Variants in HCK observed in about 807,000 individuals in gnomAD.
HCK encodes HCK proto-oncogene, Src family tyrosine kinase, also known as tyrosine-protein kinase HCK.
Under a neutral mutation model 70.4 loss-of-function variants are expected in HCK, and 40 were observed. That is an observed-to-expected ratio of 0.57 (90% CI 0.44 to 0.74). The LOEUF (loss-of-function observed/expected upper bound fraction) is 0.74. Ranked by LOEUF, HCK falls within the 30% of genes least tolerant of loss-of-function variation. HCK has a pLI of 0.00. For synonymous variants in HCK, 245 were observed against 263.2 expected (o/e 0.93, Z 0.67); for missense variants, 568 against 697.2 (o/e 0.81, Z 2.09).
chr20:32,055,665 G>A (rs2045259887), intron 1 of HCK, among the ~76,000 whole-genome samples: 1 of 152,112 alleles, frequency 6.6e-6, no homozygotes, highest in South Asian at 2.1e-4. Flanking sequence ...TTTAATCGAG[G>A]TGAAATTCAC....
intron 5 of HCK, among the ~76,000 whole-genome samples, chr20:32,076,840 C>G (rs985717477): frequency 2.6e-5 from 4 of 152,128 alleles, no homozygotes; most frequent in African/African-American, 9.7e-5. Flanking sequence ...AATCCCAGCA[C>G]TTTGGGAAGC....
At chr20:32,095,696 T>A (rs1253292974) in intron 11 of HCK, among the ~76,000 whole-genome samples, 1 of 152,116 alleles carries the variant, frequency 6.6e-6, no homozygotes, top group Admixed American at 6.6e-5. Flanking sequence ...ATCCACAACT[T>A]TGTAAATATT....
At chr20:32,094,797 GAAAGAAAGAAAGAA>G (rs1569010602) in intron 11 of HCK, among the ~76,000 whole-genome samples, 35 of 33,270 alleles carry the variant, frequency 1.1e-3, no homozygotes, top group Admixed American at 3.9e-3. Context: ...GAGAAAGAAA[GAAAGAAAGAAAGAA>G]AGAAAGAAAG....
chr20:32,080,850 G>A (rs555326648), intron 6 of HCK, among the ~76,000 whole-genome samples: 17 of 152,146 alleles, frequency 1.1e-4, no homozygotes, highest in African/African-American at 4.1e-4. Context: ...AAGTAGGGGA[G>A]GCCAACACAG....
In HCK at chr20:32,071,575, G is replaced by T; in HGVS notation, c.63-87G>T. On this transcript the variant is annotated intron_variant, in intron 1 of 12. Coordinates refer to ENST00000375852, the MANE Select transcript of HCK (RefSeq NM_002110.5). ...AAGGCCAGTGGGAGCCAGCCCGGGG[G>T]CAGGGGACCTGGAATGCCAGCATCA... The T allele has an allele frequency of 2.6e-6, 4 of 1,545,308 alleles. No homozygotes were observed. In the South Asian group the frequency reaches 3.6e-5, roughly 14 times the overall value.
chr20:32,053,130 A>T (rs1468418826), intron 1 of HCK, among the ~76,000 whole-genome samples: 1 of 152,178 alleles, frequency 6.6e-6, no homozygotes, highest in Non-Finnish European at 1.5e-5. Context: ...AAACGGGGCT[A>T]TGAAGTCTTT....
At position 32,082,498 on chromosome 20, in the gene HCK, C is replaced by T. The variant is rs1883882; in HGVS notation, c.533-1396C>T. Among the ~76,000 whole-genome samples the T allele has an allele frequency of 1.1e-3, 165 of 151,974 alleles. 3 individuals are homozygous for T. The East Asian group carries it at 0.026, about 24-fold the overall frequency. On this transcript the variant is annotated intron_variant, in intron 6 of 12. Transcript: ENST00000375852. ...CTCTACTAAAAATACAAAAATTAGC[C>T]GGGCGTAGTGGCGGGCGTCTGTAAT...
At position 32,101,664 on chromosome 20, in the gene HCK, T is replaced by C; in HGVS notation, c.*145T>C. 1.7e-6 allele frequency: 1 copy of C among 594,132 alleles called. No individual in the cohort carries two copies. Among genetic ancestry groups the C allele is most frequent in the Non-Finnish European group, 2.9e-6 (1 of 344,328 alleles). 36.8% of individuals were successfully genotyped at this position (594,132 alleles called of 1,614,324 possible). On this transcript the variant is annotated 3_prime_UTR_variant, in exon 13 of 13. Transcript: ENST00000375852. ...ACAGTTTCCTCATCTGTCCAGTGGGTAGGTTGGACTGGAAAATCTCTTTTT... is the reference window on the plus strand; with the variant it reads ...ACAGTTTCCTCATCTGTCCAGTGGGCAGGTTGGACTGGAAAATCTCTTTTT...
intron 5 of HCK, among the ~76,000 whole-genome samples, chr20:32,079,058 C>T (rs2045671012): frequency 6.6e-6 from 1 of 152,094 alleles, no homozygotes; most frequent in Non-Finnish European, 1.5e-5. Flanking sequence ...AGGTCTGGGG[C>T]TTTTTTCCAA....
At chr20:32,079,936 C>A in intron 6 of HCK, 59 bp downstream of exon 6, 2 of 1,245,582 alleles carry the variant, frequency 1.6e-6, no homozygotes, top group Non-Finnish European at 2.3e-6. Flanking sequence ...TGGGGCTGGC[C>A]ACCACCCTTT....
intron 1 of HCK, among the ~76,000 whole-genome samples, chr20:32,061,266 G>A (rs2045370976): frequency 2.0e-5 from 3 of 152,344 alleles, no homozygotes; most frequent in South Asian, 4.1e-4. Flanking sequence ...ACAGGCGTGA[G>A]CCACTGCGCC....
intron 1 of HCK, among the ~76,000 whole-genome samples, chr20:32,060,886 A>G (rs1215620033): frequency 6.6e-6 from 1 of 151,200 alleles, no homozygotes. Flanking sequence ...ACTAATGAAA[A>G]AGAAAAGGAA....
intron 11 of HCK, among the ~76,000 whole-genome samples, chr20:32,094,793 GAAAGAAAGAAAGAAAGAA>G (rs371397974): frequency 0.058 from 1,052 of 18,054 alleles, 29 homozygotes; most frequent in Non-Finnish European, 0.096. Flanking sequence ...GAAAGAGAAA[GAAAGAAAGAAAGAAAGAA>G]AGAAAGAAAG....
chr20:32,054,239 AGTCC>A, intron 1 of HCK: 1 of 456,496 alleles, frequency 2.2e-6, no homozygotes. Context: ...CATGAGTTAC[AGTCC>A]TTCCAGGATG....
chr20:32,071,580 G>C (rs2045539099), intron 1 of HCK, 82 bp from the exon 2 acceptor site: 1 of 1,557,008 alleles, frequency 6.4e-7, no homozygotes, highest in African/African-American at 1.4e-5. Context: ...CGGGGGCAGG[G>C]GACCTGGAAT....
Position 32,084,404 on chromosome 20 carries a change from G to A in HCK, c.696G>A (p.Gly232=), listed in dbSNP as rs746441853. 1 of 1,613,536 alleles carries A rather than the reference G, an allele frequency of 6.2e-7. No homozygotes were observed. The highest frequency in any genetic ancestry group is 1.1e-5 in the South Asian group (1 of 91,030). Reference sequence around the variant, plus strand: ...ACTCTGTTCCAGAGGGGAACGACGGGCTCTGCCAGAAACTGTCGGTGCCCT... The same window carrying A: ...ACTCTGTTCCAGAGGGGAACGACGGACTCTGCCAGAAACTGTCGGTGCCCT... The change falls in exon 8 of 13, where the codon GGG becomes GGA. Residue 232 remains glycine, a synonymous_variant. Transcript: ENST00000375852.
intron 8 of HCK, among the ~76,000 whole-genome samples, chr20:32,085,829 C>A (rs920339662): frequency 6.6e-6 from 1 of 152,008 alleles, no homozygotes; most frequent in Non-Finnish European, 1.5e-5. Flanking sequence ...GGGTGACTGG[C>A]ACATAAAAGG....
At chr20:32,054,224 G>T (rs1409493167) in intron 1 of HCK, 4 of 456,170 alleles carry the variant, frequency 8.8e-6, no homozygotes, top group Non-Finnish European at 1.8e-5. Context: ...AGGGGCAACC[G>T]CTGTCATGAG....
intron 1 of HCK, among the ~76,000 whole-genome samples, chr20:32,060,950 C>T (rs950550454): frequency 2.0e-5 from 3 of 150,112 alleles, no homozygotes; most frequent in Non-Finnish European, 3.0e-5. Flanking sequence ...CTTGGACTGC[C>T]ATGCCGTATT....
Sources: allele counts gnomAD v4.1 joint callset (sites outside exome capture counted in the v4.1 genomes callset), GRCh38; gene constraint gnomAD v4.1.1; transcripts MANE v1.5; gene names NCBI Gene and HGNC (gene_info 2026-07-23, HGNC 2026-07-21).